PTPRQ: variants seen among roughly 807,000 people sequenced by gnomAD.
The protein encoded by PTPRQ is protein tyrosine phosphatase receptor type Q.
In PTPRQ, 199 loss-of-function variants were observed where a neutral mutation model predicts 246.0. The observed-to-expected ratio is 0.81, with a 90% CI of 0.72 to 0.91. The LOEUF (loss-of-function observed/expected upper bound fraction) is 0.91, where lower values mean the gene tolerates loss of function less well. Ranked by LOEUF, PTPRQ falls within the 40% of genes least tolerant of loss-of-function variation. The pLI is 0.00. For missense variants in PTPRQ, 2,624 were observed against 2,528.4 expected, an observed-to-expected ratio of 1.04 and a Z score of -0.81; for synonymous variants, 869 against 853.2, an observed-to-expected ratio of 1.02 and a Z score of -0.32.
chr12:80,584,859 A>T (rs952292503), intron 25 of PTPRQ, among the ~76,000 whole-genome samples: 2 of 152,108 alleles, frequency 1.3e-5, no homozygotes, highest in Non-Finnish European at 2.9e-5. Context: ...GAAAATTCTA[A>T]AACTTCTTCC....
chr12:80,628,499 T>C (rs554018086), intron 33 of PTPRQ, among the ~76,000 whole-genome samples: 16 of 152,214 alleles, frequency 1.1e-4, no homozygotes, highest in Non-Finnish European at 2.2e-4. Flanking sequence ...TAACTTAAAA[T>C]TGATTACAAT....
intron 35 of PTPRQ, among the ~76,000 whole-genome samples, chr12:80,640,590 C>A (rs1258880189): frequency 6.6e-6 from 1 of 152,078 alleles, no homozygotes; most frequent in Admixed American, 6.6e-5. Flanking sequence ...CTTCATTTTT[C>A]TTTAGACGCA....
chr12:80,585,215 C>T (rs1806417733), intron 25 of PTPRQ, among the ~76,000 whole-genome samples: 1 of 151,992 alleles, frequency 6.6e-6, no homozygotes, highest in South Asian at 2.1e-4. Flanking sequence ...CTTACGGTCA[C>T]CCACATCTTG....
chr12:80,497,158 T>G (rs558829537), intron 14 of PTPRQ, among the ~76,000 whole-genome samples: 1 of 151,956 alleles, frequency 6.6e-6, no homozygotes, highest in Non-Finnish European at 1.5e-5. Flanking sequence ...TGCACTTTAT[T>G]TCTATTATTA....
intron 16 of PTPRQ, among the ~76,000 whole-genome samples, chr12:80,508,633 G>T (rs1340601956): frequency 6.6e-6 from 1 of 151,984 alleles, no homozygotes; most frequent in African/African-American, 2.4e-5. Flanking sequence ...CACTGCAAAA[G>T]TTCTAATTTT....
Position 80,460,804 on chromosome 12 carries a change from C to T in PTPRQ, c.812C>T (p.Thr271Ile). 2.5e-6 allele frequency: 1 copy of T among 400,690 alleles called. No homozygotes were observed. Among genetic ancestry groups the T allele is most frequent in the Non-Finnish European group, 4.4e-6 (1 of 226,216 alleles). The allele number at this position is 400,690 out of a possible 1,614,324, so 24.8% of individuals were successfully genotyped here. The change falls in exon 6 of 45, where the codon ACA (threonine) becomes ATA (isoleucine). Residue 271 changes from threonine to isoleucine, a missense_variant. By Grantham distance (89) the Thr-to-Ile change is moderately conservative. Transcript: ENST00000644991. ...VWKEPISFVV[T>I]HLRPYTTYLF... Reference sequence around the variant, plus strand: ...AAAGAGCCTATCAGTTTTGTAGTGACACACTTGAGACCTTATACAACATAT... The same window carrying T: ...AAAGAGCCTATCAGTTTTGTAGTGATACACTTGAGACCTTATACAACATAT...
chr12:80,480,918 G>A (rs1283575882), intron 8 of PTPRQ, among the ~76,000 whole-genome samples: 3 of 152,112 alleles, frequency 2.0e-5, no homozygotes, highest in Non-Finnish European at 1.5e-5. Context: ...GGACCGGATG[G>A]ATTCACAGCC....
intron 5 of PTPRQ, among the ~76,000 whole-genome samples, chr12:80,459,917 A>T (rs1893100114): frequency 6.6e-6 from 1 of 152,222 alleles, no homozygotes; most frequent in South Asian, 2.1e-4. Context: ...GAGTACATGT[A>T]GGGTAATAGT....
chr12:80,558,647 G>A (rs575351952), intron 25 of PTPRQ, among the ~76,000 whole-genome samples: 308 of 152,118 alleles, frequency 2.0e-3, no homozygotes, highest in South Asian at 3.9e-3. Context: ...TATGCACTGA[G>A]GAGCACATTG....
At chr12:80,648,861 T>G in intron 35 of PTPRQ, 36 bp from the exon 36 acceptor site, 4 of 1,518,860 alleles carry the variant, frequency 2.6e-6, no homozygotes, top group Non-Finnish European at 3.5e-6. Flanking sequence ...CTGTCCACTC[T>G]GACTCACAAT....
rs753342336 is a variant in PTPRQ at position 80,496,049 on chromosome 12, G to A, written c.1933G>A (p.Val645Ile). ...AATGAGAGTGGCAGCCTCAACCCACGTTGGAGAAAGTTCTTTGTCTGAAGA... is the reference window on the plus strand; with the variant it reads ...AATGAGAGTGGCAGCCTCAACCCACATTGGAGAAAGTTCTTTGTCTGAAGA... ...YKMRVAASTH[V>I]GESSLSEEND... is the part of the protein sequence containing the mutation. The change falls in exon 13 of 45, where the codon GTT becomes ATT. Residue 645 changes from valine (V) to isoleucine (I), a missense_variant. Transcript: ENST00000644991. 1.3e-6 allele frequency: 2 copies of A among 1,550,320 alleles called. No individual in the cohort carries two copies. The highest frequency in any genetic ancestry group is 1.4e-5 in the African/African-American group (1 of 72,920).
intron 9 of PTPRQ, among the ~76,000 whole-genome samples, chr12:80,492,906 C>T (rs968848021): frequency 2.0e-5 from 3 of 151,930 alleles, no homozygotes; most frequent in African/African-American, 7.2e-5. Context: ...CATTCTAATA[C>T]ATCAGTATGC....
chr12:80,571,279 G>T (rs567748582), intron 25 of PTPRQ, among the ~76,000 whole-genome samples: 14 of 152,042 alleles, frequency 9.2e-5, no homozygotes, highest in Non-Finnish European at 1.9e-4. Context: ...TGAGTAGCTG[G>T]GATTACAGGC....
At chr12:80,468,195 T>G (rs1333054547) in intron 6 of PTPRQ, among the ~76,000 whole-genome samples, 1 of 152,130 alleles carries the variant, frequency 6.6e-6, no homozygotes, top group African/African-American at 2.4e-5. Flanking sequence ...ATTTGAATCC[T>G]CCAAATGTAG....
intron 6 of PTPRQ, among the ~76,000 whole-genome samples, chr12:80,467,274 C>T (rs973055812): frequency 6.6e-6 from 1 of 152,030 alleles, no homozygotes; most frequent in African/African-American, 2.4e-5. Flanking sequence ...CATCACTGGC[C>T]ATCAGATAAA....
At chr12:80,501,412 GGAA>G (rs1156967814) in intron 14 of PTPRQ, among the ~76,000 whole-genome samples, 1 of 151,886 alleles carries the variant, frequency 6.6e-6, no homozygotes, top group Non-Finnish European at 1.5e-5. Context: ...GGCAGTCCAG[GGAA>G]GAGGTCAATA....
intron 26 of PTPRQ, among the ~76,000 whole-genome samples, chr12:80,589,184 A>G (rs1193180914): frequency 6.6e-6 from 1 of 152,162 alleles, no homozygotes; most frequent in Non-Finnish European, 1.5e-5. Context: ...ATAATTAAGT[A>G]AAAAATGTAT....
intron 25 of PTPRQ, among the ~76,000 whole-genome samples, chr12:80,582,146 A>G (rs1266275866): frequency 2.0e-5 from 3 of 152,232 alleles, no homozygotes; most frequent in Admixed American, 2.0e-4. Context: ...CATTTCATAG[A>G]GGCTGGTAAA....
chr12:80,555,116 TG>T (rs1896607654), intron 25 of PTPRQ, among the ~76,000 whole-genome samples: 2 of 152,336 alleles, frequency 1.3e-5, no homozygotes, highest in South Asian at 4.1e-4. Context: ...GGTTTCACCA[TG>T]TGGGCCAGTC....
Sources: allele counts gnomAD v4.1 joint callset (sites outside exome capture counted in the v4.1 genomes callset), GRCh38; gene constraint gnomAD v4.1.1; transcripts MANE v1.5; gene names NCBI Gene and HGNC (gene_info 2026-07-23, HGNC 2026-07-21).